IGFL2: variants seen among roughly 807,000 people sequenced by gnomAD.
IGFL2 encodes IGF like family member 2, also known as insulin growth factor-like family member 2.
IGFL2 carries 7 observed loss-of-function variants against 13.9 expected under a neutral mutation model. That is an observed-to-expected ratio of 0.51 (90% CI 0.29 to 0.95). The LOEUF (loss-of-function observed/expected upper bound fraction) is 0.95. IGFL2 is among the 40% of genes least tolerant of loss of function. The pLI is 0.08. For missense variants in IGFL2, 138 were observed against 147.8 expected (o/e 0.93, Z 0.34); for synonymous variants, 55 against 55.8 (o/e 0.99, Z 0.07).
At chr19:46,149,400 T>C (rs909158256) in intron 1 of IGFL2, among the ~76,000 whole-genome samples, 1 of 142,942 alleles carries the variant, frequency 7.0e-6, no homozygotes, top group African/African-American at 2.6e-5. Context: ...TTCCCTCCTC[T>C]CCTTCCTTCT....
chr19:46,127,660 G>A, the IGFL2 span, among the ~76,000 whole-genome samples: 6 of 152,328 alleles, frequency 3.9e-5, no homozygotes, highest in African/African-American at 1.4e-4. Flanking sequence ...TAGGTAGATA[G>A]ATAGATGATG....
At chr19:46,079,197 C>T in the IGFL2 span, among the ~76,000 whole-genome samples, 2 of 152,284 alleles carry the variant, frequency 1.3e-5, no homozygotes, top group East Asian at 3.8e-4. Context: ...CAGTAACTGC[C>T]TTGGTGTCAG....
the IGFL2 span, among the ~76,000 whole-genome samples, chr19:46,183,942 G>T: frequency 6.6e-6 from 1 of 152,136 alleles, no homozygotes. Context: ...TAGGTTTTCA[G>T]CATTTTTTCC....
chr19:46,139,476 T>C (rs1972760838), upstream of IGFL2, among the ~76,000 whole-genome samples: 1 of 152,012 alleles, frequency 6.6e-6, no homozygotes, highest in Non-Finnish European at 1.5e-5. Context: ...AAAATTAGTA[T>C]GTAGAAAAGA....
the IGFL2 span, among the ~76,000 whole-genome samples, chr19:46,170,046 A>C: frequency 6.6e-6 from 1 of 152,124 alleles, no homozygotes; most frequent in Non-Finnish European, 1.5e-5. Flanking sequence ...GTTTCTGAAC[A>C]TTCTGGGTGG....
chr19:46,159,723 A>G (rs966160132), intron 1 of IGFL2: 2 of 152,182 alleles, frequency 1.3e-5, no homozygotes, highest in African/African-American at 4.8e-5. Flanking sequence ...TTTATCTCTC[A>G]ACCTTCACCC....
At chr19:46,211,136 G>A in the IGFL2 span, among the ~76,000 whole-genome samples, 1 of 152,170 alleles carries the variant, frequency 6.6e-6, no homozygotes, top group Non-Finnish European at 1.5e-5. Flanking sequence ...GATTGTTCTA[G>A]CTTCATTCCT....
At chr19:46,142,389 G>T (rs1382245465), upstream of IGFL2, among the ~76,000 whole-genome samples, 1 of 152,162 alleles carries the variant, frequency 6.6e-6, no homozygotes, top group Non-Finnish European at 1.5e-5. Context: ...AAGCTTTCTA[G>T]CAGTCTATCC....
At chr19:46,148,406 C>A in intron 1 of IGFL2, 109 bp downstream of exon 1, 1 of 961,798 alleles carries the variant, frequency 1.0e-6, no homozygotes, top group Non-Finnish European at 1.6e-6. Context: ...GGTTTCCCAC[C>A]TCATAATCAC....
the IGFL2 span, among the ~76,000 whole-genome samples, chr19:46,178,843 T>C: frequency 2.6e-5 from 4 of 151,966 alleles, no homozygotes; most frequent in African/African-American, 4.9e-5. Context: ...TCTGTCTCCC[T>C]AAAATATATA....
the IGFL2 span, chr19:46,207,919 G>A: frequency 6.6e-6 from 1 of 152,228 alleles, no homozygotes; most frequent in Non-Finnish European, 1.5e-5. Context: ...TCCCAAGGGA[G>A]GACTCCCACT....
chr19:46,177,647 G>T, the IGFL2 span, among the ~76,000 whole-genome samples: 1 of 152,140 alleles, frequency 6.6e-6, no homozygotes, highest in South Asian at 2.1e-4. Flanking sequence ...AAATCCCTTT[G>T]GAGAGTCCTC....
chr19:46,082,213 C>G, the IGFL2 span, among the ~76,000 whole-genome samples: 1 of 152,160 alleles, frequency 6.6e-6, no homozygotes, highest in Non-Finnish European at 1.5e-5. Context: ...TTCTGTTTCC[C>G]CATACCTGGG....
upstream of IGFL2, among the ~76,000 whole-genome samples, chr19:46,140,267 A>ATC (rs1051293591): frequency 1.3e-4 from 19 of 141,486 alleles, no homozygotes; most frequent in African/African-American, 7.9e-5. Context: ...ATATATATAT[A>ATC]TCTCAAAATG....
At chr19:46,147,032 C>T (rs1208216085), upstream of IGFL2, among the ~76,000 whole-genome samples, 4 of 152,162 alleles carry the variant, frequency 2.6e-5, no homozygotes. Flanking sequence ...AGGAGCGTTT[C>T]CTTGGACAAA....
chr19:46,142,830 C>A (rs1394944712), upstream of IGFL2, among the ~76,000 whole-genome samples: 2 of 152,242 alleles, frequency 1.3e-5, no homozygotes, highest in East Asian at 3.8e-4. Flanking sequence ...CTGGCTTCTA[C>A]ATGCACATTA....
chr19:46,087,629 G>A, the IGFL2 span, among the ~76,000 whole-genome samples: 4 of 152,254 alleles, frequency 2.6e-5, no homozygotes, highest in African/African-American at 7.2e-5. Context: ...TGGGAGCAGC[G>A]TTAGGCAGGT....
At chr19:46,180,259 A>T in the IGFL2 span, among the ~76,000 whole-genome samples, 1 of 150,258 alleles carries the variant, frequency 6.7e-6, no homozygotes, top group Non-Finnish European at 1.5e-5. Flanking sequence ...GCTCACTGCA[A>T]CCTCCACCTC....
the IGFL2 span, among the ~76,000 whole-genome samples, chr19:46,092,288 T>G: frequency 6.6e-6 from 1 of 152,046 alleles, no homozygotes; most frequent in Non-Finnish European, 1.5e-5. Context: ...GTCCCCTGAG[T>G]ATCTGGGACT....
Sources: gnomAD v4.1 joint callset for allele counts (sites outside exome capture counted in the v4.1 genomes callset) on GRCh38, gnomAD v4.1.1 for gene constraint, MANE v1.5 for transcripts, NCBI Gene and HGNC (gene_info 2026-07-23, HGNC 2026-07-21) for gene names.